Variants in ROBO1 observed in about 807,000 individuals in gnomAD.
ROBO1 encodes the protein roundabout homolog 1.
In ROBO1, 149 loss-of-function variants were observed where a neutral mutation model predicts 195.9. That is an observed-to-expected ratio of 0.76 (90% confidence interval 0.67 to 0.87). The LOEUF is 0.87. ROBO1 is among the 40% of genes least tolerant of loss of function. The pLI is 0.00. For synonymous variants in ROBO1, 816 were observed against 733.2 expected (o/e 1.11, Z -1.82); for missense variants, 1,933 against 2,068.3 (o/e 0.93, Z 1.27).
intron 2 of ROBO1, among the ~76,000 whole-genome samples, chr3:79,295,744 T>C (rs2032554009): frequency 6.6e-6 from 1 of 152,150 alleles, no homozygotes; most frequent in South Asian, 2.1e-4. Flanking sequence ...TGTTACATAG[T>C]TATTATTTAT....
At chr3:79,686,641 C>T (rs1020977841) in intron 1 of ROBO1, among the ~76,000 whole-genome samples, 6 of 152,036 alleles carry the variant, frequency 3.9e-5, no homozygotes, top group African/African-American at 1.4e-4. Flanking sequence ...AATAAAATAC[C>T]TAGGAATCAA....
chr3:79,686,873 A>C (rs1269852476), intron 1 of ROBO1, among the ~76,000 whole-genome samples: 1 of 152,182 alleles, frequency 6.6e-6, no homozygotes, highest in African/African-American at 2.4e-5. Flanking sequence ...ACTACTTTAA[A>C]GTCCATATGG....
At chr3:78,790,684 A>C (rs1377203461) in intron 4 of ROBO1, among the ~76,000 whole-genome samples, 3 of 152,326 alleles carry the variant, frequency 2.0e-5, no homozygotes, top group South Asian at 2.1e-4. Flanking sequence ...AAAAGGTATT[A>C]TCTCATAAAA....
chr3:79,532,437 T>C (rs1335729649), intron 2 of ROBO1, among the ~76,000 whole-genome samples: 1 of 152,186 alleles, frequency 6.6e-6, no homozygotes, highest in Non-Finnish European at 1.5e-5. Context: ...CAATTATGAA[T>C]GTATTATAAA....
chr3:79,236,381 G>A (rs1242551528), intron 2 of ROBO1, among the ~76,000 whole-genome samples: 1 of 152,006 alleles, frequency 6.6e-6, no homozygotes, highest in Non-Finnish European at 1.5e-5. Flanking sequence ...ATGGTTTCTT[G>A]TTGTTAAATC....
chr3:79,714,384 C>G (rs181686198), intron 1 of ROBO1, among the ~76,000 whole-genome samples: 1 of 152,102 alleles, frequency 6.6e-6, no homozygotes, highest in East Asian at 1.9e-4. Context: ...AATAGGAACA[C>G]TTTTACACTG....
chr3:79,550,152 G>T (rs13065528), intron 2 of ROBO1, among the ~76,000 whole-genome samples: 2 of 91,086 alleles, frequency 2.2e-5, no homozygotes, highest in Non-Finnish European at 2.0e-5. Context: ...AAAAAGAAAG[G>T]AAGAAAGAAA....
At chr3:79,383,948 T>C (rs1333205370) in intron 2 of ROBO1, among the ~76,000 whole-genome samples, 1 of 152,064 alleles carries the variant, frequency 6.6e-6, no homozygotes, top group Non-Finnish European at 1.5e-5. Flanking sequence ...CCATATGCCC[T>C]ACTTAATTAG....
At position 79,563,395 on chromosome 3, in the gene ROBO1, C is replaced by CT. The variant is rs762243653; in HGVS notation, c.88+26428dup. Among the ~76,000 whole-genome samples the CT allele has an allele frequency of 3.3e-5, 5 of 152,052 alleles. No individual in the cohort carries two copies. The South Asian group carries it at 1.0e-3, about 31-fold the overall frequency. ...TCTGCCTACTGCCTCATTTCTCTTG[C>CT]TATGTCTTTGGGTTTAGTAATTTAT... is the stretch of plus-strand genomic sequence containing the variant. On this transcript the variant is annotated intron_variant, in intron 2 of 30. Coordinates refer to ENST00000464233, the MANE Select transcript of ROBO1 (RefSeq NM_002941.4).
intron 2 of ROBO1, among the ~76,000 whole-genome samples, chr3:79,471,452 A>G (rs1400655950): frequency 1.3e-5 from 2 of 152,144 alleles, no homozygotes; most frequent in Admixed American, 1.3e-4. Context: ...ATATATTATG[A>G]ATTCATTGAT....
intron 4 of ROBO1, among the ~76,000 whole-genome samples, chr3:78,878,910 T>C (rs958460762): frequency 6.6e-6 from 1 of 152,128 alleles, no homozygotes. Flanking sequence ...ATAAATAAAA[T>C]AGTGCAATTA....
rs553222835 is a variant in ROBO1 at position 79,608,605 on chromosome 3, T to C, written c.-50-18644A>G. 5.3e-4 allele frequency among the ~76,000 whole-genome samples: 81 copies of C among 152,070 alleles called. No homozygotes were observed. The Middle Eastern group carries it at 0.01, about 19-fold the overall frequency. The stretch of plus-strand genomic sequence containing the variant: ...TAAGATGATACCTGCTCAAATAGAC[T>C]CTGATGGATGTTTTCCTATAAAACT... On this transcript the variant is annotated intron_variant, in intron 1 of 30. Transcript: ENST00000464233.
At chr3:79,051,962 A>G (rs2078707791) in intron 3 of ROBO1, among the ~76,000 whole-genome samples, 1 of 152,080 alleles carries the variant, frequency 6.6e-6, no homozygotes, top group Non-Finnish European at 1.5e-5. Flanking sequence ...TGAGTGCATT[A>G]TCTGTACAAA....
chr3:79,149,691 G>GCCTCTGGACT (rs2080726689), intron 2 of ROBO1, among the ~76,000 whole-genome samples: 1 of 151,660 alleles, frequency 6.6e-6, no homozygotes, highest in East Asian at 1.9e-4. Flanking sequence ...TCAGTGTTTT[G>GCCTCTGGACT]GCGAGTCTGT....
At chr3:79,021,056 ACT>A (rs1391398467) in intron 3 of ROBO1, among the ~76,000 whole-genome samples, 1 of 152,092 alleles carries the variant, frequency 6.6e-6, no homozygotes, top group African/African-American at 2.4e-5. Context: ...TTTTGTGGAA[ACT>A]CTGGTTAACA....
At chr3:79,160,001 T>G (rs755294195) in intron 2 of ROBO1, among the ~76,000 whole-genome samples, 34 of 152,024 alleles carry the variant, frequency 2.2e-4, no homozygotes, top group Non-Finnish European at 2.1e-4. Context: ...CAGAAGGATG[T>G]CAACAGATAG....
chr3:79,453,941 C>T (rs1477906573), intron 2 of ROBO1, among the ~76,000 whole-genome samples: 1 of 152,012 alleles, frequency 6.6e-6, no homozygotes, highest in Non-Finnish European at 1.5e-5. Flanking sequence ...GGTGCTGAGC[C>T]TCTTCTAGAC....
chr3:79,678,153 G>A (rs146648160), intron 1 of ROBO1, among the ~76,000 whole-genome samples: 2 of 152,030 alleles, frequency 1.3e-5, no homozygotes, highest in African/African-American at 4.8e-5. Context: ...ATCAGTTACT[G>A]GTCATTAAAG....
intron 2 of ROBO1, among the ~76,000 whole-genome samples, chr3:79,515,428 C>A (rs146049570): frequency 1.3e-5 from 2 of 152,300 alleles, no homozygotes; most frequent in African/African-American, 4.8e-5. Flanking sequence ...AGGAGCTCTG[C>A]TTTTCATATA....
Sources: gnomAD v4.1 joint callset for allele counts (sites outside exome capture counted in the v4.1 genomes callset) on GRCh38, gnomAD v4.1.1 for gene constraint, MANE v1.5 for transcripts, NCBI Gene and HGNC (gene_info 2026-07-23, HGNC 2026-07-21) for gene names.